TAOK1: variants seen among roughly 807,000 people sequenced by gnomAD.
TAOK1 encodes the protein TAO kinase 1.
TAOK1 carries 21 observed loss-of-function variants against 138.3 expected under a neutral mutation model. The ratio of observed to expected loss-of-function variants is 0.15; its 90% confidence interval spans 0.11 to 0.22. The LOEUF (loss-of-function observed/expected upper bound fraction) is 0.22. TAOK1 is among the 10% of genes least tolerant of loss of function. TAOK1 has a pLI of 1.00. For synonymous variants in TAOK1, 361 were observed against 398.4 expected (o/e 0.91, Z 1.12); for missense variants, 651 against 1,227.7 (o/e 0.53, Z 7.02).
intron 8 of TAOK1, among the ~76,000 whole-genome samples, chr17:29,485,375 A>G (rs1169766695): frequency 2.0e-5 from 3 of 152,228 alleles, no homozygotes; most frequent in Non-Finnish European, 4.4e-5. Flanking sequence ...AGTGGCTTAC[A>G]TCTGTAATCC....
rs370634234 is a variant in TAOK1 at position 29,544,961 on chromosome 17, C to T, written c.*1939C>T. 12 of 152,278 alleles carry T rather than the reference C, an allele frequency of 7.9e-5. No homozygotes were observed. In the East Asian group the frequency reaches 1.7e-3, roughly 22 times the overall value. 9.4% of individuals were successfully genotyped at this position (152,278 alleles called of 1,614,324 possible). ...TTAAGTCTTTCCCAGGTATGTCAGT[C>T]GAGTTGCCATGAATCCTCACCTGTA... is the stretch of plus-strand genomic sequence containing the variant. On this transcript the variant is annotated 3_prime_UTR_variant, in exon 20 of 20. Coordinates refer to ENST00000261716, the MANE Select transcript of TAOK1 (RefSeq NM_020791.4).
chr17:29,498,981 A>G (rs1023235019), intron 12 of TAOK1, among the ~76,000 whole-genome samples: 6 of 152,060 alleles, frequency 3.9e-5, no homozygotes, highest in African/African-American at 1.4e-4. Flanking sequence ...TTAACTCCTA[A>G]CCTGTTATCT....
intron 17 of TAOK1, 26 bp from the exon 18 acceptor site, chr17:29,530,381 A>G: frequency 6.2e-7 from 1 of 1,600,988 alleles, no homozygotes; most frequent in South Asian, 1.1e-5. Context: ...TACAACTTAC[A>G]TAAATGTATT....
At position 29,550,617 on chromosome 17, in the gene TAOK1, C is replaced by T. The variant is rs1300485850; in HGVS notation, c.*7595C>T. Reference sequence around the variant, plus strand: ...TTAAAAACAAACTTGAGATTTTTAACGTAACTATTAACACAGTTTTAACAT... The same window carrying T: ...TTAAAAACAAACTTGAGATTTTTAATGTAACTATTAACACAGTTTTAACAT... On this transcript the variant is annotated 3_prime_UTR_variant, in exon 20 of 20. Transcript: ENST00000261716. 9 of 152,306 alleles carry T rather than the reference C, an allele frequency of 5.9e-5. No individual in the cohort carries two copies. The highest frequency in any genetic ancestry group is 1.2e-4 in the Non-Finnish European group (8 of 68,020). The allele number at this position is 152,306 out of a possible 1,614,324, so 9.4% of individuals were successfully genotyped here.
chr17:29,433,528 C>T (rs189353448), intron 1 of TAOK1, among the ~76,000 whole-genome samples: 25 of 152,034 alleles, frequency 1.6e-4, no homozygotes, highest in Admixed American at 3.3e-4. Context: ...AGAACTTGTC[C>T]GTCCCATGGC....
At chr17:29,456,779 G>A (rs977406002) in intron 2 of TAOK1, among the ~76,000 whole-genome samples, 1 of 150,298 alleles carries the variant, frequency 6.7e-6, no homozygotes, top group Non-Finnish European at 1.5e-5. Flanking sequence ...TGTCGCCTAG[G>A]CTGGAGTGCA....
intron 19 of TAOK1, among the ~76,000 whole-genome samples, chr17:29,535,414 G>T (rs2032205583): frequency 6.6e-6 from 1 of 152,172 alleles, no homozygotes; most frequent in South Asian, 2.1e-4. Flanking sequence ...AACAGCTGAT[G>T]TAGTCTTAGG....
intron 10 of TAOK1, among the ~76,000 whole-genome samples, chr17:29,492,753 T>C (rs555572268): frequency 2.6e-5 from 4 of 152,088 alleles, no homozygotes; most frequent in Non-Finnish European, 5.9e-5. Context: ...GATTGCACCA[T>C]TGCACTCCAG....
intron 4 of TAOK1, among the ~76,000 whole-genome samples, chr17:29,476,073 G>T (rs1293945523): frequency 6.6e-6 from 1 of 152,182 alleles, no homozygotes; most frequent in East Asian, 1.9e-4. Flanking sequence ...GTTACTTGAG[G>T]TTGAAAGTTA....
intron 1 of TAOK1, among the ~76,000 whole-genome samples, chr17:29,439,864 T>TAAA (rs371960597): frequency 1.7e-5 from 2 of 118,140 alleles, no homozygotes; most frequent in Non-Finnish European, 3.5e-5. Context: ...CTCTGTCTCC[T>TAAA]AAAAAAAAAA....
Position 29,522,376 on chromosome 17 carries a change from A to G in TAOK1, c.2005A>G (p.Thr669Ala). 1.2e-6 allele frequency: 2 copies of G among 1,614,164 alleles called. No homozygotes were observed. Among genetic ancestry groups the G allele is most frequent in the Non-Finnish European group, 8.5e-7 (1 of 1,180,030 alleles). Reference protein sequence around the residue: ...MQELEFRHLNTIQKMRCELIR... With the variant: ...MQELEFRHLNAIQKMRCELIR... Reference sequence around the variant, plus strand: ...AGAACTGGAGTTCCGCCACCTCAACACAATTCAGAAGATGCGCTGTGAGTT... The same window carrying G: ...AGAACTGGAGTTCCGCCACCTCAACGCAATTCAGAAGATGCGCTGTGAGTT... The change falls in exon 17 of 20, where the codon ACA (threonine) becomes GCA (alanine). Residue 669 changes from threonine (T) to alanine (A), a missense_variant. Thr to Ala is a moderately conservative substitution (Grantham distance 58). This residue lies in a region of TAOK1 where 258 missense variants were observed against 548.9 expected (regional missense o/e 0.47). Transcript: ENST00000261716.
chr17:29,522,607 C>A, intron 17 of TAOK1, 88 bp downstream of exon 17: 1 of 1,523,858 alleles, frequency 6.6e-7, no homozygotes, highest in Non-Finnish European at 8.8e-7. Context: ...GATGTCTAGT[C>A]ATAAAGAAAT....
chr17:29,493,540 A>G (rs1055441785), intron 10 of TAOK1, among the ~76,000 whole-genome samples: 1 of 151,878 alleles, frequency 6.6e-6, no homozygotes. Context: ...TACATTTGCC[A>G]AATAGAAGCA....
intron 3 of TAOK1, among the ~76,000 whole-genome samples, chr17:29,470,283 A>G (rs2030783179): frequency 6.6e-6 from 1 of 152,204 alleles, no homozygotes; most frequent in Admixed American, 6.5e-5. Flanking sequence ...ATTTCCTGAT[A>G]GGTATAGGTA....
chr17:29,533,322 TGGC>T (rs1322749923), intron 18 of TAOK1, among the ~76,000 whole-genome samples: 1 of 143,800 alleles, frequency 7.0e-6, no homozygotes, highest in Admixed American at 6.9e-5. Flanking sequence ...CTAGATGGGA[TGGC>T]GGCCGGGCAG....
At chr17:29,449,332 T>C (rs1370704107) in intron 1 of TAOK1, among the ~76,000 whole-genome samples, 2 of 152,102 alleles carry the variant, frequency 1.3e-5, no homozygotes, top group Non-Finnish European at 2.9e-5. Flanking sequence ...AACAGGGAAA[T>C]TGGTAAAAGT....
At chr17:29,539,602 A>C (rs2032281525) in intron 19 of TAOK1, among the ~76,000 whole-genome samples, 1 of 152,084 alleles carries the variant, frequency 6.6e-6, no homozygotes, top group Admixed American at 6.6e-5. Flanking sequence ...ATGCCCGGCT[A>C]ATCATGTATT....
chr17:29,416,056 A>C (rs1367349367), intron 1 of TAOK1, among the ~76,000 whole-genome samples: 4 of 152,138 alleles, frequency 2.6e-5, no homozygotes, highest in African/African-American at 9.7e-5. Flanking sequence ...TGAGGTCAGG[A>C]GTTCGAGACC....
At chr17:29,476,707 T>G (rs910607396) in intron 4 of TAOK1, among the ~76,000 whole-genome samples, 3 of 152,164 alleles carry the variant, frequency 2.0e-5, no homozygotes, top group Non-Finnish European at 2.9e-5. Context: ...GCACATAACC[T>G]GGGCACATCC....
Sources: gnomAD v4.1 joint callset for allele counts (sites outside exome capture counted in the v4.1 genomes callset) on GRCh38, gnomAD v4.1.1 for gene constraint, gnomAD v4.1.1 regional missense constraint, MANE v1.5 for transcripts, NCBI Gene and HGNC (gene_info 2026-07-23, HGNC 2026-07-21) for gene names.